Variants in DEK observed in about 807,000 individuals in gnomAD.
DEK encodes the protein DEK proto-oncogene, also known as protein DEK.
Under a neutral mutation model 46.8 loss-of-function variants are expected in DEK, and 28 were observed. That is an observed-to-expected ratio of 0.60 (90% CI 0.44 to 0.82). The LOEUF is 0.82. Ranked by LOEUF, DEK falls within the 40% of genes least tolerant of loss-of-function variation. The pLI, the probability that DEK is intolerant of heterozygous loss-of-function variation, is 0.00. For missense variants in DEK, 416 were observed against 430.6 expected, an observed-to-expected ratio of 0.97 and a Z score of 0.30; for synonymous variants, 160 against 144.5, an observed-to-expected ratio of 1.11 and a Z score of -0.77.
At position 18,258,292 on chromosome 6, in the gene DEK, G is replaced by C. The variant is rs767970109; in HGVS notation, c.247+12C>G. ...TTCACCACAAAATGAAAGGAAGCTA[G>C]AATAAACTTACCTTGTGCAATTGTA... On this transcript the variant is annotated intron_variant, in intron 3 of 10. Transcript: ENST00000652689. The C allele has an allele frequency of 6.3e-7, 1 of 1,597,366 alleles. No homozygotes were observed. The highest frequency in any genetic ancestry group is 1.8e-5 in the Admixed American group (1 of 56,834).
intron 2 of DEK, among the ~76,000 whole-genome samples, chr6:18,263,211 C>T (rs544519221): frequency 2.0e-5 from 3 of 152,292 alleles, no homozygotes; most frequent in East Asian, 3.9e-4. Context: ...TCCCTTAAAA[C>T]AGACACAGGT....
At chr6:18,237,796 G>T (rs1238417279) in intron 7 of DEK, among the ~76,000 whole-genome samples, 1 of 151,716 alleles carries the variant, frequency 6.6e-6, no homozygotes, top group Non-Finnish European at 1.5e-5. Flanking sequence ...AATCTTGGGG[G>T]GGACCCCTAA....
At chr6:18,261,857 G>A (rs1183543852) in intron 2 of DEK, among the ~76,000 whole-genome samples, 1 of 152,162 alleles carries the variant, frequency 6.6e-6, no homozygotes, top group Non-Finnish European at 1.5e-5. Flanking sequence ...CTACTGCGAA[G>A]GCACAACTGA....
Position 18,224,694 on chromosome 6 carries a change from G to A in DEK, c.*1025C>T. ...ACATTATATTCTGGCATTATAATCT[G>A]GTACTTTAGTCATAATCGTGAAGCT... is the stretch of plus-strand genomic sequence containing the variant. On this transcript the variant is annotated 3_prime_UTR_variant, in exon 11 of 11. Coordinates refer to ENST00000652689, the MANE Select transcript of DEK (RefSeq NM_003472.4). 4.7e-6 allele frequency: 1 copy of A among 212,142 alleles called. No individual in the cohort carries two copies. The highest frequency in any genetic ancestry group is 7.1e-5 in the East Asian group (1 of 14,176). 13.1% of individuals were successfully genotyped at this position (212,142 alleles called of 1,614,324 possible).
intron 7 of DEK, among the ~76,000 whole-genome samples, chr6:18,244,357 C>T (rs561061273): frequency 1.9e-4 from 29 of 152,154 alleles, no homozygotes; most frequent in South Asian, 4.2e-4. Flanking sequence ...GTACTATAAC[C>T]TAAATTTTTA....
At chr6:18,232,173 G>C (rs1186937314) in intron 9 of DEK, among the ~76,000 whole-genome samples, 1 of 152,122 alleles carries the variant, frequency 6.6e-6, no homozygotes, top group Non-Finnish European at 1.5e-5. Flanking sequence ...AGCCCTTCAT[G>C]CTAAAAACTC....
intron 2 of DEK, among the ~76,000 whole-genome samples, chr6:18,260,985 CAAAAAAA>C (rs780634683): frequency 3.7e-4 from 29 of 78,028 alleles, no homozygotes; most frequent in African/African-American, 1.3e-3. Flanking sequence ...ACCTTGTCTC[CAAAAAAA>C]AAAAAAAAAA....
At chr6:18,257,218 G>A (rs1791635161) in intron 4 of DEK, among the ~76,000 whole-genome samples, 1 of 152,132 alleles carries the variant, frequency 6.6e-6, no homozygotes, top group South Asian at 2.1e-4. Flanking sequence ...AAATGATTTT[G>A]CCTCTTATTT....
chr6:18,237,209 G>GA (rs1790693317), intron 8 of DEK, 172 bp downstream of exon 8: 2 of 687,498 alleles, frequency 2.9e-6, no homozygotes, highest in East Asian at 6.6e-5. Context: ...TGCAAAATCT[G>GA]AATCACTTCC....
chr6:18,243,317 G>C (rs557280037), intron 7 of DEK, among the ~76,000 whole-genome samples: 2 of 139,444 alleles, frequency 1.4e-5, no homozygotes, highest in Non-Finnish European at 3.0e-5. Flanking sequence ...ACCAGAGGAC[G>C]TGTCTCATTT....
chr6:18,225,014 T>G lies in DEK; in HGVS notation c.*705A>C, dbSNP rs1343027503. 4.6e-6 allele frequency: 1 copy of G among 217,474 alleles called. No homozygotes were observed. The highest frequency in any genetic ancestry group is 2.2e-5 in the African/African-American group (1 of 44,476). The allele number at this position is 217,474 out of a possible 1,614,324, so 13.5% of individuals were successfully genotyped here. On this transcript the variant is annotated 3_prime_UTR_variant, in exon 11 of 11. Transcript: ENST00000652689. The stretch of plus-strand genomic sequence containing the variant: ...TGACTTTCACTGTTCCATCATACTG[T>G]TTGGCTGAACACTGACATTCCATAG...
intron 2 of DEK, among the ~76,000 whole-genome samples, chr6:18,260,333 G>C (rs1791800791): frequency 6.6e-6 from 1 of 152,158 alleles, no homozygotes; most frequent in Admixed American, 6.5e-5. Context: ...ATTTGTGGTT[G>C]ATTGAATCCA....
intron 7 of DEK, among the ~76,000 whole-genome samples, chr6:18,238,548 T>C (rs916371172): frequency 3.3e-5 from 5 of 151,642 alleles, no homozygotes; most frequent in African/African-American, 1.2e-4. Context: ...AATACAAAAA[T>C]TAGCTGGGTG....
intron 5 of DEK, 60 bp downstream of exon 5, chr6:18,256,301 C>T (rs140573167): frequency 6.9e-7 from 1 of 1,441,122 alleles, no homozygotes; most frequent in Non-Finnish European, 9.5e-7. Flanking sequence ...TGTGATTTAA[C>T]ATTAAAAAAT....
rs16880391 is a variant in DEK, at chr6:18,251,151, G to A, written c.574-1312C>T. On this transcript the variant is annotated intron_variant, in intron 6 of 10. Transcript: ENST00000652689. ...CCTAACATCAAGAATGTTAAAATGC[G>A]CATTACAGAATTAATATTTATTTCT... Among the ~76,000 whole-genome samples the A allele has an allele frequency of 9.7e-3, 1,475 of 152,144 alleles. 60 individuals are homozygous for A. Among genetic ancestry groups the A allele is most frequent in the East Asian group, 0.083 (427 of 5,172 alleles).
At chr6:18,227,153 A>C (rs1425182585) in intron 9 of DEK, among the ~76,000 whole-genome samples, 1 of 152,012 alleles carries the variant, frequency 6.6e-6, no homozygotes, top group Non-Finnish European at 1.5e-5. Context: ...CCAGCCCGAC[A>C]CCCTTAAAGG....
At chr6:18,249,330 C>G (rs1791262297) in intron 7 of DEK, among the ~76,000 whole-genome samples, 1 of 152,176 alleles carries the variant, frequency 6.6e-6, no homozygotes. Flanking sequence ...CTCGAAGAAT[C>G]TGCTCCTATG....
At position 18,253,721 on chromosome 6, in the gene DEK, T is replaced by C. The variant is rs754160271; in HGVS notation, c.573+2010A>G. 9.3e-4 allele frequency among the ~76,000 whole-genome samples: 141 copies of C among 152,270 alleles called. 1 individual carries two copies. Among genetic ancestry groups the C allele is most frequent in the Non-Finnish European group, 9.6e-4 (65 of 68,018 alleles). On this transcript the variant is annotated intron_variant, in intron 6 of 10. Coordinates refer to ENST00000652689, the MANE Select transcript of DEK (RefSeq NM_003472.4). ...TTTATGTGAGGCTCGGTTTTCTTCA[T>C]ATACTTATTATTTTGAGAGAGGATC...
chr6:18,264,029 C>T (rs774951100), intron 1 of DEK, 33 bp from the exon 2 acceptor site: 23 of 1,561,308 alleles, frequency 1.5e-5, no homozygotes, highest in Admixed American at 9.8e-5. Context: ...ACGTCTCGGT[C>T]CTCCTACTCC....
Sources: allele counts gnomAD v4.1 joint callset (sites outside exome capture counted in the v4.1 genomes callset), GRCh38; gene constraint gnomAD v4.1.1; transcripts MANE v1.5; gene names NCBI Gene and HGNC (gene_info 2026-07-23, HGNC 2026-07-21).